The following PPP3CA variants were observed in gnomAD, a reference collection of about 807,000 sequenced individuals.
PPP3CA encodes the protein protein phosphatase 3 catalytic subunit alpha.
PPP3CA carries 14 observed loss-of-function variants against 66.5 expected under a neutral mutation model. The ratio of observed to expected loss-of-function variants is 0.21; its 90% CI spans 0.14 to 0.33. PPP3CA has a LOEUF of 0.33. Ranked by LOEUF, PPP3CA falls within the 10% of genes least tolerant of loss-of-function variation. PPP3CA has a pLI of 1.00. For synonymous variants in PPP3CA, 232 were observed against 226.2 expected (o/e 1.03, Z -0.23); for missense variants, 317 against 639.5 (o/e 0.50, Z 5.44).
At chr4:101,147,732 C>T (rs1723015518) in intron 2 of PPP3CA, among the ~76,000 whole-genome samples, 1 of 151,866 alleles carries the variant, frequency 6.6e-6, no homozygotes, top group Admixed American at 6.6e-5. Flanking sequence ...ACACCCATAC[C>T]CACACACAGA....
chr4:101,221,562 C>T (rs575351755), intron 1 of PPP3CA, among the ~76,000 whole-genome samples: 12 of 151,356 alleles, frequency 7.9e-5, no homozygotes, highest in East Asian at 5.8e-4. Flanking sequence ...CCATTCACTT[C>T]GCTAAAAAAC....
In PPP3CA at chr4:101,082,232, T is replaced by C. The variant is rs189108287; in HGVS notation, c.860+954A>G. Among the ~76,000 whole-genome samples the C allele has an allele frequency of 2.0e-4, 31 of 152,268 alleles. 1 individual carries two copies. Among genetic ancestry groups the C allele is most frequent in the Admixed American group, 1.9e-3 (29 of 15,292 alleles). Reference sequence around the variant, plus strand: ...ACTTCAAACATCAGCTACAAAACAGTGAGTATATAACACTGGATCCGTTCA... The same window carrying C: ...ACTTCAAACATCAGCTACAAAACAGCGAGTATATAACACTGGATCCGTTCA... On this transcript the variant is annotated intron_variant, in intron 7 of 13. Transcript: ENST00000394854.
chr4:101,147,507 A>G (rs1216597651), intron 2 of PPP3CA, among the ~76,000 whole-genome samples: 1 of 152,196 alleles, frequency 6.6e-6, no homozygotes, highest in Non-Finnish European at 1.5e-5. Flanking sequence ...CAGTGAAGAG[A>G]AAAAGCTGAG....
intron 1 of PPP3CA, among the ~76,000 whole-genome samples, chr4:101,294,865 T>TA (rs1048417511): frequency 6.5e-4 from 92 of 140,480 alleles, no homozygotes; most frequent in Admixed American, 7.1e-4. Context: ...CAGAAACCAC[T>TA]AAAAAAAAAA....
chr4:101,094,267 T>G (rs953781565), intron 5 of PPP3CA, among the ~76,000 whole-genome samples: 3 of 152,168 alleles, frequency 2.0e-5, no homozygotes, highest in Admixed American at 2.0e-4. Context: ...TATCCAAATG[T>G]TTTTTTCATG....
chr4:101,025,701 CTTTT>C lies in PPP3CA; in HGVS notation c.*160_*163del. On this transcript the variant is annotated 3_prime_UTR_variant, in exon 14 of 14. Coordinates refer to ENST00000394854, the MANE Select transcript of PPP3CA (RefSeq NM_000944.5). ...AATATAGTTTATTATCTCTCTCCCT[CTTTT>C]TTAATGATAGTGTAAACTGAATCCA... 1 of 525,398 alleles carries C rather than the reference CTTTT, an allele frequency of 1.9e-6. No individual in the cohort carries two copies. The highest frequency in any genetic ancestry group is 3.2e-6 in the Non-Finnish European group (1 of 311,642). 32.5% of individuals were successfully genotyped at this position (525,398 alleles called of 1,614,324 possible).
chr4:101,052,759 C>T (rs1728066120), intron 10 of PPP3CA, among the ~76,000 whole-genome samples: 1 of 151,912 alleles, frequency 6.6e-6, no homozygotes, highest in East Asian at 1.9e-4. Context: ...GATGTCCACC[C>T]TTGCATATAA....
chr4:101,171,659 CTA>C (rs1310008231), intron 2 of PPP3CA, among the ~76,000 whole-genome samples: 1 of 152,090 alleles, frequency 6.6e-6, no homozygotes, highest in Non-Finnish European at 1.5e-5. Flanking sequence ...TGGCATAACT[CTA>C]GAGTGCCCAT....
At chr4:101,307,539 T>G (rs2583398) in intron 1 of PPP3CA, among the ~76,000 whole-genome samples, 71,720 of 151,986 alleles carry the variant, frequency 0.47, 20,565 homozygotes, top group African/African-American at 0.8. Context: ...AAAAAGTTTT[T>G]GCTTAACAAA....
At chr4:101,281,459 T>G (rs1727681529) in intron 1 of PPP3CA, among the ~76,000 whole-genome samples, 2 of 151,280 alleles carry the variant, frequency 1.3e-5, no homozygotes, top group East Asian at 2.0e-4. Context: ...GGGGGTGAGA[T>G]CCAGTAAAGA....
intron 1 of PPP3CA, 76 bp from the exon 2 acceptor site, chr4:101,196,192 C>T (rs1724785945): frequency 3.0e-6 from 4 of 1,319,286 alleles, no homozygotes; most frequent in Non-Finnish European, 4.2e-6. Flanking sequence ...CACCAAATAT[C>T]CATCCTCATC....
chr4:101,026,365 A>C (rs1422518853), intron 13 of PPP3CA, among the ~76,000 whole-genome samples: 1 of 152,204 alleles, frequency 6.6e-6, no homozygotes, highest in African/African-American at 2.4e-5. Flanking sequence ...ACACATAAAG[A>C]GGAAAGCTGC....
intron 1 of PPP3CA, among the ~76,000 whole-genome samples, chr4:101,198,089 T>A (rs1398151129): frequency 6.6e-6 from 1 of 152,134 alleles, no homozygotes; most frequent in Non-Finnish European, 1.5e-5. Flanking sequence ...AGACAAAATG[T>A]ATAATGCCAA....
intron 2 of PPP3CA, among the ~76,000 whole-genome samples, chr4:101,166,947 C>T (rs537921808): frequency 6.6e-6 from 1 of 152,248 alleles, no homozygotes; most frequent in Admixed American, 6.5e-5. Flanking sequence ...GAAACAACAG[C>T]ACACAGCCAT....
chr4:101,321,408 T>G lies in PPP3CA; in HGVS notation c.58+25331A>C, dbSNP rs533763162. Among the ~76,000 whole-genome samples, 5 of 152,372 alleles carry G rather than the reference T, an allele frequency of 3.3e-5. No individual in the cohort carries two copies. In the South Asian group the frequency reaches 1.0e-3, roughly 32 times the overall value. On this transcript the variant is annotated intron_variant, in intron 1 of 13. Transcript: ENST00000394854. ...AGAGCATTTCAGTGTTGGGTGTTAC[T>G]GCAGCATGCAATATTACATCACTAA...
intron 1 of PPP3CA, among the ~76,000 whole-genome samples, chr4:101,313,610 A>G (rs1251866851): frequency 1.3e-5 from 2 of 152,166 alleles, no homozygotes; most frequent in Non-Finnish European, 2.9e-5. Context: ...ACAAGTGGGA[A>G]GATCAGTACT....
intron 1 of PPP3CA, among the ~76,000 whole-genome samples, chr4:101,298,069 G>A (rs1728250538): frequency 6.6e-6 from 1 of 151,970 alleles, no homozygotes; most frequent in Non-Finnish European, 1.5e-5. Flanking sequence ...ATTCCAATAA[G>A]TGACTCCAGA....
At chr4:101,125,414 C>T (rs1252947440) in intron 2 of PPP3CA, among the ~76,000 whole-genome samples, 1 of 152,102 alleles carries the variant, frequency 6.6e-6, no homozygotes, top group African/African-American at 2.4e-5. Flanking sequence ...CCACCAATTC[C>T]AGCAAAACTA....
intron 10 of PPP3CA, among the ~76,000 whole-genome samples, chr4:101,045,083 T>G (rs888331351): frequency 3.3e-5 from 5 of 152,260 alleles, no homozygotes; most frequent in Non-Finnish European, 7.3e-5. Flanking sequence ...CAGTTACACC[T>G]GAATTAGTAG....
Sources: gnomAD v4.1 joint callset for allele counts (sites outside exome capture counted in the v4.1 genomes callset) on GRCh38, gnomAD v4.1.1 for gene constraint, MANE v1.5 for transcripts, NCBI Gene and HGNC (gene_info 2026-07-23, HGNC 2026-07-21) for gene names.